The following BLK variants were observed in gnomAD, a reference collection of about 807,000 sequenced individuals.
The protein encoded by BLK is tyrosine-protein kinase Blk.
In BLK, 64 loss-of-function variants were observed where a neutral mutation model predicts 61.8. The ratio of observed to expected loss-of-function variants is 1.03; its 90% CI spans 0.85 to 1.27. The LOEUF is 1.27. Among genes scored for constraint, BLK ranks in the 50% most tolerant of loss-of-function variants. BLK has a pLI of 0.00. For synonymous variants in BLK, 351 were observed against 272.0 expected (o/e 1.29, Z -2.86); for missense variants, 853 against 660.5 (o/e 1.29, Z -3.19).
chr8:11,511,393 T>C (rs1231768677), intron 1 of BLK, among the ~76,000 whole-genome samples: 2 of 151,912 alleles, frequency 1.3e-5, no homozygotes, highest in African/African-American at 2.4e-5. Flanking sequence ...TGTATACATA[T>C]GTAACAAACC....
chr8:11,498,912 G>A (rs756053789), intron 1 of BLK, among the ~76,000 whole-genome samples: 13 of 152,052 alleles, frequency 8.5e-5, no homozygotes, highest in Non-Finnish European at 1.6e-4. Context: ...ACCACCAGGG[G>A]GTCCTTGTAC....
At chr8:11,562,865 A>T in intron 11 of BLK, 114 bp from the exon 12 acceptor site, 1 of 1,475,886 alleles carries the variant, frequency 6.8e-7, no homozygotes, top group Non-Finnish European at 9.3e-7. Context: ...CCGCCCTGTG[A>T]GGCCCCGCAG....
intron 2 of BLK, among the ~76,000 whole-genome samples, chr8:11,545,121 G>C (rs1007742104): frequency 2.6e-5 from 4 of 152,224 alleles, no homozygotes; most frequent in Non-Finnish European, 5.9e-5. Flanking sequence ...TGAGACTGGG[G>C]TTGTGGCTCC....
intron 1 of BLK, among the ~76,000 whole-genome samples, chr8:11,519,019 G>A (rs1333756554): frequency 6.6e-6 from 1 of 152,072 alleles, no homozygotes. Context: ...GAATTTCTTT[G>A]TGGCACTTAC....
chr8:11,533,130 C>G (rs898080254), intron 1 of BLK, among the ~76,000 whole-genome samples: 5 of 152,166 alleles, frequency 3.3e-5, no homozygotes, highest in African/African-American at 1.2e-4. Flanking sequence ...ATCCTGCAAC[C>G]GTTTTATGAG....
intron 9 of BLK, 144 bp downstream of exon 9, chr8:11,556,981 A>G: frequency 2.8e-6 from 1 of 362,760 alleles, no homozygotes; most frequent in Non-Finnish European, 5.4e-6. Flanking sequence ...ACAGGGAGGG[A>G]TGGAGGGAGG....
chr8:11,546,493 C>T (rs536952884), intron 3 of BLK, among the ~76,000 whole-genome samples: 136 of 152,254 alleles, frequency 8.9e-4, no homozygotes, highest in African/African-American at 3.1e-3. Flanking sequence ...GTGGAGGGCA[C>T]CTTCTTGTTT....
chr8:11,525,451 C>G (rs1799617764), intron 1 of BLK, among the ~76,000 whole-genome samples: 1 of 150,694 alleles, frequency 6.6e-6, no homozygotes, highest in Non-Finnish European at 1.5e-5. Flanking sequence ...AAATTTCACA[C>G]AAGCAGGATT....
At chr8:11,511,295 G>C (rs1361847885) in intron 1 of BLK, among the ~76,000 whole-genome samples, 1 of 152,178 alleles carries the variant, frequency 6.6e-6, no homozygotes, top group East Asian at 1.9e-4. Flanking sequence ...GCCTGTTGTG[G>C]GGTGGGGAGA....
intron 1 of BLK, among the ~76,000 whole-genome samples, chr8:11,540,262 C>G (rs1413323170): frequency 6.6e-6 from 1 of 151,900 alleles, no homozygotes; most frequent in African/African-American, 2.4e-5. Context: ...AGTCATTTTC[C>G]TAATACCATT....
chr8:11,548,138 G>C lies in BLK; in HGVS notation c.269+13G>C, dbSNP rs144839649. On this transcript the variant is annotated intron_variant, in intron 4 of 12. Coordinates refer to ENST00000259089, the MANE Select transcript of BLK (RefSeq NM_001715.3). ...AGGTCCTGAAGGGGTGAGGTTCCAG[G>C]ACACCATCCCCTGTCCCTGCAGGAC... 332 of 1,606,286 alleles carry C rather than the reference G, an allele frequency of 2.1e-4. No homozygotes were observed. In the African/African-American group the frequency reaches 3.9e-3, roughly 19 times the overall value.
At chr8:11,549,525 C>T (rs997397481) in intron 5 of BLK, among the ~76,000 whole-genome samples, 2 of 152,220 alleles carry the variant, frequency 1.3e-5, no homozygotes, top group African/African-American at 4.8e-5. Flanking sequence ...CTGATTAATA[C>T]TCCCAATCTT....
intron 1 of BLK, among the ~76,000 whole-genome samples, chr8:11,527,804 A>G (rs1799721305): frequency 6.6e-6 from 1 of 151,928 alleles, no homozygotes; most frequent in African/African-American, 2.4e-5. Flanking sequence ...CAAAAGACCA[A>G]TCTTAGGTTC....
At chr8:11,502,392 C>A (rs900268493) in intron 1 of BLK, among the ~76,000 whole-genome samples, 1 of 152,032 alleles carries the variant, frequency 6.6e-6, no homozygotes, top group Non-Finnish European at 1.5e-5. Flanking sequence ...CAACTTCCAC[C>A]TCCTGGGTTT....
intron 6 of BLK, among the ~76,000 whole-genome samples, chr8:11,550,720 A>C (rs899369): frequency 6.6e-6 from 1 of 152,250 alleles, no homozygotes; most frequent in South Asian, 2.1e-4. Flanking sequence ...GTGGTAATTG[A>C]GGGGAGCCCA....
chr8:11,499,906 T>C (rs1798492992), intron 1 of BLK, among the ~76,000 whole-genome samples: 2 of 152,298 alleles, frequency 1.3e-5, no homozygotes, highest in South Asian at 4.2e-4. Flanking sequence ...CTTTATCTGT[T>C]TTTCTATCCT....
rs935972760 is a variant in BLK, at chr8:11,556,566, G to A, written c.773-92G>A. ...CAGCTCTGGCACCTGGAATGGGGTG[G>A]CACCTGGGCACTTACCCCGATTTTG... On this transcript the variant is annotated intron_variant, in intron 8 of 12. Transcript: ENST00000259089. 4.9e-5 allele frequency: 72 copies of A among 1,475,476 alleles called. No homozygotes were observed. The African/African-American group carries it at 8.6e-4, about 18-fold the overall frequency. 91.4% of individuals were successfully genotyped at this position (1,475,476 alleles called of 1,614,324 possible).
At chr8:11,528,299 G>A (rs1299455724) in intron 1 of BLK, among the ~76,000 whole-genome samples, 1 of 152,136 alleles carries the variant, frequency 6.6e-6, no homozygotes. Flanking sequence ...GCCTCCCAAA[G>A]TGCTGGAATT....
chr8:11,495,400 G>C (rs139141490), intron 1 of BLK, among the ~76,000 whole-genome samples: 1 of 152,176 alleles, frequency 6.6e-6, no homozygotes, highest in Non-Finnish European at 1.5e-5. Flanking sequence ...GTGAGGTTTG[G>C]ACTAAGAGTA....
Sources: allele counts gnomAD v4.1 joint callset (sites outside exome capture counted in the v4.1 genomes callset), GRCh38; gene constraint gnomAD v4.1.1; transcripts MANE v1.5; gene names NCBI Gene and HGNC (gene_info 2026-07-23, HGNC 2026-07-21).